ACMSD: variants seen among roughly 807,000 people sequenced by gnomAD.
The protein encoded by ACMSD is 2-amino-3-carboxymuconate-6-semialdehyde decarboxylase.
In ACMSD, 37 loss-of-function variants were observed where a neutral mutation model predicts 45.9. The ratio of observed to expected loss-of-function variants is 0.81; its 90% CI spans 0.62 to 1.06. The LOEUF (loss-of-function observed/expected upper bound fraction) is 1.06. ACMSD is among the 50% of genes least tolerant of loss of function. ACMSD has a pLI of 0.00. For synonymous variants in ACMSD, 138 were observed against 148.8 expected (o/e 0.93, Z 0.53); for missense variants, 434 against 420.9 (o/e 1.03, Z -0.27).
intron 2 of ACMSD, among the ~76,000 whole-genome samples, chr2:134,849,099 G>GT (rs1231592330): frequency 6.6e-6 from 1 of 152,080 alleles, no homozygotes; most frequent in Non-Finnish European, 1.5e-5. Flanking sequence ...ACAGGCAGCT[G>GT]TGATTTTTTT....
At chr2:134,860,225 C>G (rs902768039) in intron 3 of ACMSD, among the ~76,000 whole-genome samples, 1 of 152,146 alleles carries the variant, frequency 6.6e-6, no homozygotes, top group African/African-American at 2.4e-5. Flanking sequence ...ATTGCACCAC[C>G]GCACTCCAGC....
intron 2 of ACMSD, chr2:134,857,701 A>ACTTC (rs1213267872): frequency 6.6e-6 from 1 of 151,656 alleles, no homozygotes; most frequent in Non-Finnish European, 1.5e-5. Flanking sequence ...TCTGGCTAGA[A>ACTTC]CTTCCTTTAT....
At chr2:134,870,839 C>A in intron 6 of ACMSD, 126 bp from the exon 7 acceptor site, 1 of 731,020 alleles carries the variant, frequency 1.4e-6, no homozygotes, top group Non-Finnish European at 2.3e-6. Flanking sequence ...TATAATACAG[C>A]CAAACTATGC....
At chr2:134,847,759 T>G (rs1687140749) in intron 2 of ACMSD, among the ~76,000 whole-genome samples, 1 of 152,188 alleles carries the variant, frequency 6.6e-6, no homozygotes, top group Non-Finnish European at 1.5e-5. Context: ...GTTTCCAGCT[T>G]CATCCATGTC....
intron 1 of ACMSD, 68 bp downstream of exon 1, chr2:134,838,807 T>C: frequency 7.9e-7 from 1 of 1,263,478 alleles, no homozygotes; most frequent in South Asian, 1.3e-5. Flanking sequence ...CTTTCTCTTC[T>C]TTGTGGAATT....
intron 8 of ACMSD, among the ~76,000 whole-genome samples, chr2:134,888,449 A>T (rs1348403139): frequency 6.6e-6 from 1 of 152,178 alleles, no homozygotes; most frequent in Non-Finnish European, 1.5e-5. Flanking sequence ...ATCACCCAAC[A>T]GTTTTACTCC....
intron 4 of ACMSD, chr2:134,863,016 G>A: frequency 1.0e-6 from 1 of 985,312 alleles, no homozygotes; most frequent in Non-Finnish European, 1.2e-6. Context: ...TGCCTTGATG[G>A]TGGCCTGGGG....
At chr2:134,866,999 G>T (rs980883541) in intron 5 of ACMSD, among the ~76,000 whole-genome samples, 3 of 152,218 alleles carry the variant, frequency 2.0e-5, no homozygotes, top group African/African-American at 7.2e-5. Context: ...TCCACCCAGT[G>T]CTGGGCTCTG....
intron 8 of ACMSD, among the ~76,000 whole-genome samples, chr2:134,888,317 T>C (rs1689573663): frequency 6.6e-6 from 1 of 152,138 alleles, no homozygotes; most frequent in Non-Finnish European, 1.5e-5. Flanking sequence ...TAAACTATGA[T>C]GAGAAAACAC....
At chr2:134,885,337 ATATT>A (rs1461016440) in intron 8 of ACMSD, among the ~76,000 whole-genome samples, 6 of 106,856 alleles carry the variant, frequency 5.6e-5, no homozygotes, top group Middle Eastern at 4.0e-3. Context: ...ATGTAAATAT[ATATT>A]TATATATAAT....
At chr2:134,881,824 C>T (rs886160115) in intron 8 of ACMSD, among the ~76,000 whole-genome samples, 13 of 151,870 alleles carry the variant, frequency 8.6e-5, no homozygotes, top group Admixed American at 6.6e-4. Flanking sequence ...CCTGTCTCTA[C>T]TAAAAATACA....
At chr2:134,858,902 G>A (rs1391456310) in intron 2 of ACMSD, among the ~76,000 whole-genome samples, 1 of 149,616 alleles carries the variant, frequency 6.7e-6, no homozygotes, top group Admixed American at 6.7e-5. Context: ...AATTCTAAAT[G>A]TTATAGAACT....
chr2:134,843,560 A>G (rs919616021), intron 1 of ACMSD, among the ~76,000 whole-genome samples: 1 of 152,128 alleles, frequency 6.6e-6, no homozygotes, highest in Non-Finnish European at 1.5e-5. Flanking sequence ...AAAGGAGTCC[A>G]CCAAGACCTG....
chr2:134,895,780 G>A (rs991175762), intron 8 of ACMSD, among the ~76,000 whole-genome samples: 6 of 152,172 alleles, frequency 3.9e-5, no homozygotes, highest in African/African-American at 1.2e-4. Context: ...AGAATTGCCT[G>A]AATCCGGGAG....
intron 1 of ACMSD, among the ~76,000 whole-genome samples, chr2:134,844,836 T>C (rs546444115): frequency 1.3e-5 from 2 of 152,336 alleles, no homozygotes; most frequent in South Asian, 4.1e-4. Flanking sequence ...TATCACAATC[T>C]ACTCATGGAT....
At chr2:134,875,581 G>A (rs116607345) in intron 8 of ACMSD, among the ~76,000 whole-genome samples, 1 of 152,076 alleles carries the variant, frequency 6.6e-6, no homozygotes, top group Non-Finnish European at 1.5e-5. Context: ...TCTTTGCTTT[G>A]ATTTTTAAAG....
At chr2:134,867,546 A>ACCCT (rs779815058) in intron 5 of ACMSD, 33 bp from the exon 6 acceptor site, 1 of 1,514,922 alleles carries the variant, frequency 6.6e-7, no homozygotes, top group Admixed American at 1.7e-5. Context: ...CATCAAAGTA[A>ACCCT]CCCTCTCTCT....
At chr2:134,842,435 G>A (rs1387012503) in intron 1 of ACMSD, among the ~76,000 whole-genome samples, 1 of 151,938 alleles carries the variant, frequency 6.6e-6, no homozygotes, top group African/African-American at 2.4e-5. Flanking sequence ...TATTCTATTT[G>A]GGGTTGGAAT....
intron 8 of ACMSD, among the ~76,000 whole-genome samples, chr2:134,889,485 C>T (rs181768505): frequency 6.6e-6 from 1 of 152,242 alleles, no homozygotes; most frequent in East Asian, 1.9e-4. Flanking sequence ...ACAGGTTCCA[C>T]ATCCACAGAT....
Sources: gnomAD v4.1 joint callset for allele counts (sites outside exome capture counted in the v4.1 genomes callset) on GRCh38, gnomAD v4.1.1 for gene constraint, MANE v1.5 for transcripts, NCBI Gene and HGNC (gene_info 2026-07-23, HGNC 2026-07-21) for gene names.